Variants in C4orf50 observed in about 807,000 individuals in gnomAD.
C4orf50 encodes the protein chromosome 4 open reading frame 50.
Under a neutral mutation model 77.2 loss-of-function variants are expected in C4orf50, and 80 were observed. The observed-to-expected ratio is 1.04, with a 90% CI of 0.87 to 1.25. C4orf50 has a LOEUF of 1.25. C4orf50 is among the 50% of genes most tolerant of loss of function. The pLI, the probability that C4orf50 is intolerant of heterozygous loss-of-function variation, is 0.00. For missense variants in C4orf50, 1,257 were observed against 1,152.9 expected (o/e 1.09, Z -1.31); for synonymous variants, 532 against 465.3 (o/e 1.14, Z -1.84).
At chr4:5,946,698 A>G (rs1457994564) in intron 7 of C4orf50, among the ~76,000 whole-genome samples, 2 of 152,306 alleles carry the variant, frequency 1.3e-5, no homozygotes, top group Non-Finnish European at 2.9e-5. Context: ...CTGTTAGCCA[A>G]TCGGGTTTCA....
intron 7 of C4orf50, among the ~76,000 whole-genome samples, chr4:5,925,992 G>A (rs960591394): frequency 2.6e-5 from 4 of 152,038 alleles, no homozygotes; most frequent in African/African-American, 7.3e-5. Context: ...TGTGGAGATC[G>A]GCAGCTGAGT....
chr4:5,915,726 G>T (rs776997900), intron 7 of C4orf50, among the ~76,000 whole-genome samples: 2 of 152,190 alleles, frequency 1.3e-5, no homozygotes, highest in African/African-American at 4.8e-5. Flanking sequence ...CCTGATGAGT[G>T]GGTAATAAAC....
chr4:5,980,791 T>C (rs1190106057), intron 28 of C4orf50, among the ~76,000 whole-genome samples: 1 of 152,214 alleles, frequency 6.6e-6, no homozygotes, highest in Non-Finnish European at 1.5e-5. Context: ...AATCAAATTA[T>C]GAGATGCCTA....
intron 25 of C4orf50, among the ~76,000 whole-genome samples, chr4:5,999,554 G>C (rs559177277): frequency 5.3e-4 from 80 of 152,318 alleles, no homozygotes; most frequent in African/African-American, 1.9e-3. Context: ...AGTCCCTTCA[G>C]CCAGAAGCTT....
At chr4:5,974,453 AC>A (rs10706741) in intron 30 of C4orf50, among the ~76,000 whole-genome samples, 70,515 of 151,690 alleles carry the variant, frequency 0.46, 16,670 homozygotes, top group East Asian at 0.71. Flanking sequence ...ACGGGCGCCA[AC>A]TCGAGGCTCA....
chr4:5,932,363 T>C lies in C4orf50; in HGVS notation c.*2474+24538A>G, dbSNP rs1045995574. ...GGAGGCAGGCAGCGGACAGCTTGCC[T>C]GGTGCTGTCCTGGTGCCCAAGTCCT... On this transcript the variant is annotated intron_variant, in intron 7 of 7. Coordinates refer to the C4orf50 transcript ENST00000324058. This position sits in a 1 kb window ranked among gnomAD's most constrained non-coding sequence, Gnocchi z 4.2. 6.6e-6 allele frequency among the ~76,000 whole-genome samples: 1 copy of C among 152,156 alleles called. No individual in the cohort carries two copies. The highest frequency in any genetic ancestry group is 1.5e-5 in the Non-Finnish European group (1 of 68,022).
intron 23 of C4orf50, among the ~76,000 whole-genome samples, chr4:6,012,746 G>A (rs190962390): frequency 6.6e-6 from 1 of 152,210 alleles, no homozygotes; most frequent in Admixed American, 6.5e-5. Flanking sequence ...GCAGGGTCGG[G>A]GGAGAAAGTC....
Position 5,900,570 on chromosome 4 carries a change from C to A in C4orf50, c.*2475-2382G>T, listed in dbSNP as rs1031734436. On this transcript the variant is annotated intron_variant, in intron 7 of 7. Coordinates refer to the C4orf50 transcript ENST00000324058. The surrounding 1 kb of genome is among the most constrained non-coding windows in gnomAD (Gnocchi z 4.3). ...TCACTAGATGATGCCATATAGATTG[C>A]AACCCAGTAGAAAACTAATTGCATC... 5.9e-5 allele frequency: 9 copies of A among 152,198 alleles called. No individual in the cohort carries two copies. The highest frequency in any genetic ancestry group is 5.9e-4 in the Admixed American group (9 of 15,284). 9.4% of individuals were successfully genotyped at this position (152,198 alleles called of 1,614,324 possible). A position where few individuals can be genotyped will look rare whatever the true frequency, so the allele number is the denominator to read the frequency against.
intron 24 of C4orf50, among the ~76,000 whole-genome samples, chr4:6,010,544 C>CTA (rs1414434365): frequency 2.0e-5 from 3 of 152,248 alleles, no homozygotes; most frequent in African/African-American, 7.2e-5. Context: ...AGCACTCCCT[C>CTA]TAGCACGTGC....
chr4:5,989,717 A>G (rs1228167092), exon 28 of C4orf50: 23 of 1,535,692 alleles, frequency 1.5e-5, no homozygotes, highest in South Asian at 1.2e-4. Flanking sequence ...CCTTCAACTG[A>G]TAAGGCAAAT....
chr4:5,993,770 T>G (rs1207753012), intron 26 of C4orf50, among the ~76,000 whole-genome samples: 1 of 147,546 alleles, frequency 6.8e-6, no homozygotes, highest in African/African-American at 2.5e-5. Context: ...TGAGCCGAGA[T>G]CACACAACTG....
intron 25 of C4orf50, among the ~76,000 whole-genome samples, chr4:5,998,940 C>T (rs1721712794): frequency 6.6e-6 from 1 of 152,240 alleles, no homozygotes; most frequent in Non-Finnish European, 1.5e-5. Flanking sequence ...CTCCTCCCCA[C>T]ATCAGGGTTT....
chr4:5,989,012 A>C (rs925000644), exon 28 of C4orf50: 1 of 1,536,006 alleles, frequency 6.5e-7, no homozygotes, highest in Non-Finnish European at 8.7e-7. Flanking sequence ...AAAATTTTGC[A>C]GTAACTCTTC....
At chr4:5,988,849 C>T (rs1306569239) in exon 28 of C4orf50, 1 of 1,536,098 alleles carries the variant, frequency 6.5e-7, no homozygotes, top group South Asian at 1.2e-5. Flanking sequence ...CTCTTTATAA[C>T]TGACGCCAAG....
intron 7 of C4orf50, among the ~76,000 whole-genome samples, chr4:5,938,777 G>C (rs991282796): frequency 7.5e-6 from 1 of 133,630 alleles, no homozygotes; most frequent in African/African-American, 3.5e-5. Flanking sequence ...ATAATGTGAT[G>C]TCAGTTTTTT....
chr4:5,935,784 TAA>T (rs769910855), intron 7 of C4orf50, among the ~76,000 whole-genome samples: 113 of 31,470 alleles, frequency 3.6e-3, no homozygotes, highest in African/African-American at 8.5e-3. Flanking sequence ...AGACTCCGTC[TAA>T]AAAAAAAAAA....
At chr4:6,005,446 C>G (rs1336359003) in intron 25 of C4orf50, among the ~76,000 whole-genome samples, 1 of 151,978 alleles carries the variant, frequency 6.6e-6, no homozygotes, top group Non-Finnish European at 1.5e-5. Context: ...AGCCAGGGAG[C>G]TTATGGCATA....
intron 25 of C4orf50, among the ~76,000 whole-genome samples, chr4:5,997,116 G>T (rs6821228): frequency 6.6e-6 from 1 of 152,196 alleles, no homozygotes; most frequent in African/African-American, 2.4e-5. Context: ...GAGAGAAGTC[G>T]AAGGAAGAGG....
intron 28 of C4orf50, among the ~76,000 whole-genome samples, chr4:5,982,108 C>T (rs1009963268): frequency 2.6e-5 from 4 of 152,054 alleles, no homozygotes; most frequent in African/African-American, 7.2e-5. Context: ...CGGGCTGGGC[C>T]GTGTTAAGAA....
Sources: gnomAD v4.1 joint callset for allele counts (sites outside exome capture counted in the v4.1 genomes callset) on GRCh38, gnomAD v4.1.1 for gene constraint, Gnocchi (gnomAD v3.1) non-coding constraint, MANE v1.5 for transcripts, NCBI Gene and HGNC (gene_info 2026-07-23, HGNC 2026-07-21) for gene names.